Variants in PTPRB observed in about 807,000 individuals in gnomAD.
PTPRB encodes the protein protein tyrosine phosphatase receptor type B.
A neutral mutation model predicts 238.1 loss-of-function variants in PTPRB; 97 were observed. That is an observed-to-expected ratio of 0.41 (90% CI 0.35 to 0.48). The LOEUF (loss-of-function observed/expected upper bound fraction) is 0.48, where lower values mean the gene tolerates loss of function less well. Ranked by LOEUF, PTPRB falls within the 20% of genes least tolerant of loss-of-function variation. The pLI, the probability that PTPRB is intolerant of heterozygous loss-of-function variation, is 0.30. For synonymous variants in PTPRB, 970 were observed against 995.4 expected (o/e 0.97, Z 0.48); for missense variants, 2,292 against 2,681.9 (o/e 0.85, Z 3.21).
At chr12:70,557,910 T>A (rs985636434) in intron 18 of PTPRB, among the ~76,000 whole-genome samples, 2 of 152,192 alleles carry the variant, frequency 1.3e-5, no homozygotes, top group Admixed American at 1.3e-4. Flanking sequence ...GGGGTGCACT[T>A]AGCCAACTGC....
At chr12:70,581,793 CAT>C (rs1220944326) in intron 9 of PTPRB, among the ~76,000 whole-genome samples, 1 of 150,940 alleles carries the variant, frequency 6.6e-6, no homozygotes, top group African/African-American at 2.4e-5. Flanking sequence ...TATACATGAA[CAT>C]GTGATAATAA....
chr12:70,633,145 AC>A (rs1885529482), intron 2 of PTPRB, among the ~76,000 whole-genome samples: 1 of 152,228 alleles, frequency 6.6e-6, no homozygotes, highest in South Asian at 2.1e-4. Flanking sequence ...AGATTATAAT[AC>A]TTAGTTACCA....
chr12:70,537,284 CAAAAAAAA>C (rs58633138), intron 28 of PTPRB, among the ~76,000 whole-genome samples: 3 of 90,706 alleles, frequency 3.3e-5, no homozygotes, highest in African/African-American at 1.4e-4. Context: ...AAGACCATCT[CAAAAAAAA>C]AAAAAAAAAA....
At chr12:70,537,970 A>T (rs1395414106) in intron 28 of PTPRB, 185 bp downstream of exon 28, 5 of 513,910 alleles carry the variant, frequency 9.7e-6, no homozygotes, top group Non-Finnish European at 1.7e-5. Flanking sequence ...AGCCATTGTG[A>T]AAAATGTGGC....
chr12:70,624,586 G>A (rs1430761385), intron 2 of PTPRB, among the ~76,000 whole-genome samples: 2 of 152,118 alleles, frequency 1.3e-5, no homozygotes, highest in African/African-American at 4.8e-5. Context: ...GTGCTTGAAC[G>A]TTCCCTTAAG....
At chr12:70,541,073 A>T (rs1875018975) in intron 22 of PTPRB, 116 bp from the exon 23 acceptor site, 12 of 826,620 alleles carry the variant, frequency 1.5e-5, no homozygotes, top group Non-Finnish European at 3.8e-6. Context: ...ATAGAATTCA[A>T]GTGATGCCCA....
chr12:70,614,902 A>G (rs1457377764), intron 3 of PTPRB, among the ~76,000 whole-genome samples: 1 of 152,222 alleles, frequency 6.6e-6, no homozygotes, highest in Admixed American at 6.5e-5. Context: ...AAAAACCATG[A>G]CCAGCCTATT....
rs1035010014 is a variant in PTPRB at position 70,539,068 on chromosome 12, A to G, written c.5779-54T>C. 4 of 1,322,320 alleles carry G rather than the reference A, an allele frequency of 3.0e-6. No individual in the cohort carries two copies. In the Admixed American group the frequency reaches 7.1e-5, roughly 24 times the overall value. The allele number at this position is 1,322,320 out of a possible 1,614,324, so 81.9% of individuals were successfully genotyped here. A position where few individuals can be genotyped will look rare whatever the true frequency, so the allele number is the denominator to read the frequency against. ...GGAGAATATGAAATAGAATAAAGCA[A>G]ATCATACAGTCCTGGAGATAACATA... is the stretch of plus-strand genomic sequence containing the variant. On this transcript the variant is annotated intron_variant, in intron 26 of 33. Transcript: ENST00000334414.
intron 8 of PTPRB, 44 bp from the exon 9 acceptor site, chr12:70,587,311 A>G: frequency 1.3e-6 from 2 of 1,598,682 alleles, no homozygotes; most frequent in South Asian, 1.1e-5. Flanking sequence ...GGACTGAGGC[A>G]TATTCATAGG....
chr12:70,628,114 G>A (rs982830527), intron 2 of PTPRB, among the ~76,000 whole-genome samples: 2 of 152,044 alleles, frequency 1.3e-5, no homozygotes, highest in African/African-American at 4.8e-5. Flanking sequence ...TTACCGGTTC[G>A]GCCATATCAG....
At chr12:70,551,098 G>A (rs1203100530) in intron 21 of PTPRB, among the ~76,000 whole-genome samples, 1 of 152,026 alleles carries the variant, frequency 6.6e-6, no homozygotes, top group Non-Finnish European at 1.5e-5. Flanking sequence ...GTTTTACCAT[G>A]TTGGCCAGGC....
chr12:70,534,920 A>G lies in PTPRB; in HGVS notation c.6117T>C (p.Asp2039=). The G allele has an allele frequency of 6.2e-7, 1 of 1,613,820 alleles. No individual in the cohort carries two copies. Among genetic ancestry groups the G allele is most frequent in the Non-Finnish European group, 8.5e-7 (1 of 1,179,764 alleles). Residue 2039 remains aspartate (D), a synonymous_variant, in exon 30 of 34, where the codon GAT becomes GAC. Transcript: ENST00000334414. ...KCDHYWPADQ[D]SLYYGDLILQ... ...GGATGAGGTCCCCATAGTAGAGGGA[A>G]TCCTGGTCCGCTGGCCAGTAATGAT...
rs1871171106 is a variant in PTPRB at position 70,515,911 on chromosome 12, A to G, written c.*5578T>C. ...TTTATTCCTGTACTAGTGAGAATGT[A>G]TGCAAGATGCTATATAGATTTTTTT... On this transcript the variant is annotated 3_prime_UTR_variant, in exon 34 of 34. Coordinates refer to ENST00000334414, the MANE Select transcript of PTPRB (RefSeq NM_001109754.4). 1 of 143,208 alleles carries G rather than the reference A, an allele frequency of 7.0e-6. No homozygotes were observed. The highest frequency in any genetic ancestry group is 2.6e-5 in the African/African-American group (1 of 37,786). The allele number at this position is 143,208 out of a possible 1,614,324, so 8.9% of individuals were successfully genotyped here.
At position 70,580,131 on chromosome 12, in the gene PTPRB, T is replaced by C. The variant is rs531194046; in HGVS notation, c.2578+905A>G. 4.6e-5 allele frequency among the ~76,000 whole-genome samples: 7 copies of C among 152,302 alleles called. No homozygotes were observed. The East Asian group carries it at 9.6e-4, about 21-fold the overall frequency. Reference sequence around the variant, plus strand: ...TCATTGTATTACATAGAAAATTCTATGTAATTTCTTCCTCGGTGCCATGGC... The same window carrying C: ...TCATTGTATTACATAGAAAATTCTACGTAATTTCTTCCTCGGTGCCATGGC... On this transcript the variant is annotated intron_variant, in intron 10 of 33. Coordinates refer to ENST00000334414, the MANE Select transcript of PTPRB (RefSeq NM_001109754.4).
chr12:70,612,726 C>T (rs1884513832), intron 3 of PTPRB, among the ~76,000 whole-genome samples: 1 of 152,058 alleles, frequency 6.6e-6, no homozygotes, highest in Admixed American at 6.6e-5. Flanking sequence ...GTGGCTCACA[C>T]CTGTAATCAT....
intron 28 of PTPRB, among the ~76,000 whole-genome samples, chr12:70,537,420 G>A (rs1437383202): frequency 6.6e-6 from 1 of 152,052 alleles, no homozygotes; most frequent in Non-Finnish European, 1.5e-5. Context: ...AGGCACTGCT[G>A]TGGCAGGTTT....
intron 21 of PTPRB, among the ~76,000 whole-genome samples, chr12:70,552,469 G>A (rs549296897): frequency 9.1e-6 from 1 of 110,080 alleles, no homozygotes; most frequent in African/African-American, 3.4e-5. Flanking sequence ...GGGCAACAGA[G>A]TAAGACTCTG....
chr12:70,563,552 A>G (rs56948868), intron 15 of PTPRB, among the ~76,000 whole-genome samples: 10,049 of 152,200 alleles, frequency 0.066, 889 homozygotes, highest in African/African-American at 0.21. Context: ...TGTTTCCTTC[A>G]TATTCTATAG....
At chr12:70,622,676 T>C (rs1884997547) in intron 2 of PTPRB, 30 bp from the exon 3 acceptor site, 1 of 1,522,216 alleles carries the variant, frequency 6.6e-7, no homozygotes, top group Non-Finnish European at 8.9e-7. Flanking sequence ...GTTGCAAAGA[T>C]TATTCTCATG....
Sources: gnomAD v4.1 joint callset for allele counts (sites outside exome capture counted in the v4.1 genomes callset) on GRCh38, gnomAD v4.1.1 for gene constraint, MANE v1.5 for transcripts, NCBI Gene and HGNC (gene_info 2026-07-23, HGNC 2026-07-21) for gene names.